The following RERE variants were observed in gnomAD, a reference collection of about 807,000 sequenced individuals.
The protein encoded by RERE is arginine-glutamic acid dipeptide repeats.
In RERE, 40 loss-of-function variants were observed where a neutral mutation model predicts 146.1. The ratio of observed to expected loss-of-function variants is 0.27; its 90% confidence interval spans 0.21 to 0.36. RERE has a LOEUF of 0.36. RERE is among the 10% of genes least tolerant of loss of function. The probability of loss-of-function intolerance (pLI) is 1.00; values close to 1 mark genes in which losing one functional copy is unlikely to be tolerated. For synonymous variants in RERE, 1,003 were observed against 866.0 expected, an observed-to-expected ratio of 1.16 and a Z score of -2.78; for missense variants, 1,933 against 2,138.7, an observed-to-expected ratio of 0.90 and a Z score of 1.90.
intron 2 of RERE, among the ~76,000 whole-genome samples, chr1:8,650,766 A>G (rs1243535225): frequency 1.3e-5 from 2 of 152,028 alleles, no homozygotes; most frequent in Admixed American, 6.6e-5. Flanking sequence ...GCATGGTGGC[A>G]CGCGCCTGTA....
intron 1 of RERE, among the ~76,000 whole-genome samples, chr1:8,714,988 C>T (rs1639736301): frequency 6.6e-6 from 1 of 151,924 alleles, no homozygotes; most frequent in Non-Finnish European, 1.5e-5. Context: ...ATTCTCCTGC[C>T]TCAGCCTCCC....
chr1:8,591,592 T>C (rs1646494821), intron 4 of RERE, among the ~76,000 whole-genome samples: 1 of 152,144 alleles, frequency 6.6e-6, no homozygotes, highest in South Asian at 2.1e-4. Flanking sequence ...CTGGAAATTA[T>C]CCACAGGACG....
chr1:8,755,864 A>C (rs2124522688), intron 1 of RERE, among the ~76,000 whole-genome samples: 1 of 152,342 alleles, frequency 6.6e-6, no homozygotes, highest in Middle Eastern at 3.4e-3. Context: ...CAGGAGTTTG[A>C]GACCAGCCCG....
At chr1:8,595,510 TTATG>T (rs1330801338) in intron 4 of RERE, among the ~76,000 whole-genome samples, 4 of 151,586 alleles carry the variant, frequency 2.6e-5, no homozygotes, top group Admixed American at 6.6e-5. Context: ...TTTTATGTAT[TTATG>T]TATTTTATGT....
At chr1:8,673,485 C>G (rs2124378831) in intron 1 of RERE, among the ~76,000 whole-genome samples, 1 of 152,286 alleles carries the variant, frequency 6.6e-6, no homozygotes, top group East Asian at 1.9e-4. Context: ...TACCATGTAA[C>G]ATATTCTCTA....
intron 12 of RERE, among the ~76,000 whole-genome samples, chr1:8,378,279 C>T (rs933560574): frequency 1.3e-5 from 2 of 152,208 alleles, no homozygotes; most frequent in African/African-American, 4.8e-5. Flanking sequence ...TTCAGGCAAG[C>T]CTGCAAACCA....
At chr1:8,799,148 C>G (rs1039347175) in intron 1 of RERE, among the ~76,000 whole-genome samples, 1 of 151,974 alleles carries the variant, frequency 6.6e-6, no homozygotes, top group East Asian at 1.9e-4. Context: ...AACCCGCCAC[C>G]ACGTCCAGCT....
Position 8,395,235 on chromosome 1 carries a change from G to C in RERE, c.1284+27492C>G, listed in dbSNP as rs536726281. Among the ~76,000 whole-genome samples the C allele has an allele frequency of 2.0e-5, 3 of 152,264 alleles. No homozygotes were observed. The South Asian group carries it at 6.2e-4, about 32-fold the overall frequency. On this transcript the variant is annotated intron_variant, in intron 12 of 22. Coordinates refer to ENST00000400908, the MANE Select transcript of RERE (RefSeq NM_001042681.2). ...TCATGCTTGTAATCTGAGCACTTTGGGAAGCCGAGGCGGGTGGATCACAAG... is the reference window on the plus strand; with the variant it reads ...TCATGCTTGTAATCTGAGCACTTTGCGAAGCCGAGGCGGGTGGATCACAAG...
At chr1:8,470,123 C>A (rs1557646376) in intron 10 of RERE, among the ~76,000 whole-genome samples, 1 of 152,120 alleles carries the variant, frequency 6.6e-6, no homozygotes, top group Non-Finnish European at 1.5e-5. Context: ...TAAAATATCC[C>A]TATTCCTCAA....
In RERE at chr1:8,521,176, C is replaced by CAAAAAAA. The variant is rs36115526; in HGVS notation, c.831-12508_831-12502dup. On this transcript the variant is annotated intron_variant, in intron 7 of 22. Transcript: ENST00000400908. Reference sequence around the variant, plus strand: ...TTATGGAAGTAGAGCTTCTTTTTTTCAAAAAAAAAAAAAAAAAGAACTCCA... The same window carrying CAAAAAAA: ...TTATGGAAGTAGAGCTTCTTTTTTTCAAAAAAAAAAAAAAAAAAAAAAAAGAACTCCA... Among the ~76,000 whole-genome samples the CAAAAAAA allele has an allele frequency of 3.6e-3, 397 of 109,932 alleles. 16 individuals carry two copies. The highest frequency in any genetic ancestry group is 0.013 in the African/African-American group (374 of 28,152). The allele number at this position is 109,932 out of a possible 152,430, so 72.1% of individuals were successfully genotyped here.
chr1:8,596,276 T>A (rs1223389765), intron 4 of RERE, among the ~76,000 whole-genome samples: 1 of 152,218 alleles, frequency 6.6e-6, no homozygotes, highest in Admixed American at 6.6e-5. Flanking sequence ...AGCTCTCCTC[T>A]AGAAACTGGT....
rs58647657 is a variant in RERE at position 8,507,737 on chromosome 1, C to CTTTTT, written c.879+885_879+889dup. ...AAAAGAGGTTTTAAACATCTTTTAT[C>CTTTTT]TTTTTTTTTTTTTTTTTTTGAGACA... is the stretch of plus-strand genomic sequence containing the variant. On this transcript the variant is annotated intron_variant, in intron 8 of 22. Transcript: ENST00000400908. 7.9e-3 allele frequency among the ~76,000 whole-genome samples: 678 copies of CTTTTT among 85,908 alleles called. 75 individuals are homozygous for CTTTTT. Among genetic ancestry groups the CTTTTT allele is most frequent in the Admixed American group, 0.071 (433 of 6,090 alleles). 56.4% of individuals were successfully genotyped at this position (85,908 alleles called of 152,430 possible).
At chr1:8,388,782 G>A (rs1489072338) in intron 12 of RERE, among the ~76,000 whole-genome samples, 1 of 152,178 alleles carries the variant, frequency 6.6e-6, no homozygotes, top group African/African-American at 2.4e-5. Context: ...TTAAAGAAAG[G>A]TTTCTCTTCT....
At chr1:8,379,044 C>T (rs147474273) in intron 12 of RERE, among the ~76,000 whole-genome samples, 287 of 152,348 alleles carry the variant, frequency 1.9e-3, no homozygotes, top group African/African-American at 6.8e-3. Flanking sequence ...ACACAGTTCC[C>T]TCACGACGGC....
intron 7 of RERE, among the ~76,000 whole-genome samples, chr1:8,514,040 A>T (rs1645377645): frequency 1.3e-5 from 2 of 152,210 alleles, no homozygotes; most frequent in Admixed American, 6.5e-5. Flanking sequence ...AGCATTTTTT[A>T]AAAATCATAT....
At chr1:8,620,625 T>C (rs185859363) in intron 3 of RERE, among the ~76,000 whole-genome samples, 1 of 152,246 alleles carries the variant, frequency 6.6e-6, no homozygotes, top group East Asian at 1.9e-4. Context: ...AGACTGTCAT[T>C]CCGTATTACT....
At chr1:8,366,843 A>G (rs1641819235) in intron 12 of RERE, among the ~76,000 whole-genome samples, 2 of 146,400 alleles carry the variant, frequency 1.4e-5, no homozygotes, top group Non-Finnish European at 3.0e-5. Flanking sequence ...CTGCCATCTC[A>G]CCCTACACAC....
intron 1 of RERE, among the ~76,000 whole-genome samples, chr1:8,729,167 CTCAA>C (rs144148246): frequency 1.2e-4 from 18 of 146,596 alleles, no homozygotes; most frequent in Middle Eastern, 3.6e-3. Flanking sequence ...GAGACTCCAT[CTCAA>C]TCAATCAATC....
At chr1:8,609,214 T>C (rs1026559156) in intron 4 of RERE, among the ~76,000 whole-genome samples, 13 of 147,206 alleles carry the variant, frequency 8.8e-5, no homozygotes, top group Middle Eastern at 3.6e-3. Context: ...CAAGACCCTG[T>C]CTCCCAAAAA....
Sources: gnomAD v4.1 joint callset for allele counts (sites outside exome capture counted in the v4.1 genomes callset) on GRCh38, gnomAD v4.1.1 for gene constraint, MANE v1.5 for transcripts, NCBI Gene and HGNC (gene_info 2026-07-23, HGNC 2026-07-21) for gene names.